OSBPL9: variants seen among roughly 807,000 people sequenced by gnomAD.
OSBPL9 encodes oxysterol binding protein like 9.
Under a neutral mutation model 106.6 loss-of-function variants are expected in OSBPL9, and 40 were observed. The ratio of observed to expected loss-of-function variants is 0.38; its 90% CI spans 0.29 to 0.49. The LOEUF (loss-of-function observed/expected upper bound fraction) is 0.49. Among genes scored for constraint, OSBPL9 ranks in the 20% least tolerant of loss-of-function variants. The pLI is 0.97. For synonymous variants in OSBPL9, 269 were observed against 295.4 expected (o/e 0.91, Z 0.92); for missense variants, 609 against 887.2 (o/e 0.69, Z 3.98).
upstream of OSBPL9, chr1:51,614,215 TC>T (rs1644008946): frequency 2.0e-5 from 3 of 152,360 alleles, no homozygotes; most frequent in Admixed American, 1.3e-4. Flanking sequence ...TTGGCTGCTA[TC>T]CCTTTCAGAT....
At chr1:51,576,361 G>C (rs115625404), upstream of OSBPL9, among the ~76,000 whole-genome samples, 314 of 152,288 alleles carry the variant, frequency 2.1e-3, no homozygotes, top group African/African-American at 6.8e-3. Flanking sequence ...GACCATCATC[G>C]ACCCAGTGAA....
intron 4 of OSBPL9, among the ~76,000 whole-genome samples, chr1:51,714,711 A>C (rs1660714473): frequency 6.6e-6 from 1 of 152,128 alleles, no homozygotes; most frequent in Admixed American, 6.5e-5. Context: ...CATTTTTGGA[A>C]CCGAGTCCAT....
the OSBPL9 span, among the ~76,000 whole-genome samples, chr1:51,541,842 G>A: frequency 6.6e-6 from 1 of 152,118 alleles, no homozygotes; most frequent in Non-Finnish European, 1.5e-5. Flanking sequence ...TCTCCCTCTG[G>A]GGAGAATAGT....
Position 51,781,235 on chromosome 1 carries a change from C to G in OSBPL9, c.1328C>G (p.Ala443Gly), listed in dbSNP as rs1290971943. ...AAATGGTACCTCTCAGCCTTTCATG[C>G]GGGAAGGAAAGGATCAGTTGCCAAA... Reference protein sequence around the residue: ...VVKWYLSAFHAGRKGSVAKKP... With the variant: ...VVKWYLSAFHGGRKGSVAKKP... The change falls in exon 16 of 24, where the codon GCG becomes GGG. Residue 443 changes from alanine to glycine, a missense_variant. Coordinates refer to ENST00000428468, the MANE Select transcript of OSBPL9 (RefSeq NM_024586.6). 6.2e-7 allele frequency: 1 copy of G among 1,613,924 alleles called. No individual in the cohort carries two copies. The highest frequency in any genetic ancestry group is 8.5e-7 in the Non-Finnish European group (1 of 1,179,940).
intron 2 of OSBPL9, among the ~76,000 whole-genome samples, chr1:51,608,159 A>G (rs1643961343): frequency 6.6e-6 from 1 of 152,184 alleles, no homozygotes; most frequent in Non-Finnish European, 1.5e-5. Flanking sequence ...TTTGCCTCTT[A>G]GTGTGCATGC....
intron 2 of OSBPL9, among the ~76,000 whole-genome samples, chr1:51,655,398 A>AC (rs1427821438): frequency 6.6e-6 from 1 of 151,820 alleles, no homozygotes. Flanking sequence ...CGTGGCCTAG[A>AC]CCCCTCCATC....
intron 3 of OSBPL9, among the ~76,000 whole-genome samples, chr1:51,708,594 C>G (rs543813208): frequency 1.3e-5 from 2 of 152,030 alleles, no homozygotes; most frequent in South Asian, 4.2e-4. Flanking sequence ...AATCTTAAAG[C>G]CTTTGTATTT....
chr1:51,734,831 C>A (rs1307234383), intron 4 of OSBPL9, among the ~76,000 whole-genome samples: 2 of 152,060 alleles, frequency 1.3e-5, no homozygotes, highest in African/African-American at 2.4e-5. Context: ...GTCGCCTTTC[C>A]CCCCCAAACC....
At chr1:51,767,840 AAAT>A (rs1187247358) in intron 12 of OSBPL9, among the ~76,000 whole-genome samples, 2 of 152,234 alleles carry the variant, frequency 1.3e-5, no homozygotes, top group East Asian at 1.9e-4. Flanking sequence ...GGTTAAAAGA[AAAT>A]AAGCATTTGG....
intron 2 of OSBPL9, among the ~76,000 whole-genome samples, chr1:51,610,243 ATTTGTTGTT>A (rs1173518821): frequency 1.0e-4 from 15 of 146,796 alleles, no homozygotes; most frequent in African/African-American, 3.6e-4. Context: ...AGGAACTGAT[ATTTGTTGTT>A]GTTGTTGTTG....
At chr1:51,552,213 A>G in the OSBPL9 span, among the ~76,000 whole-genome samples, 1 of 152,148 alleles carries the variant, frequency 6.6e-6, no homozygotes, top group Non-Finnish European at 1.5e-5. Context: ...CCTCAAACTG[A>G]AAGTAAGCCC....
chr1:51,633,503 G>C (rs1194186611), intron 1 of OSBPL9, among the ~76,000 whole-genome samples: 2 of 151,714 alleles, frequency 1.3e-5, no homozygotes, highest in African/African-American at 4.8e-5. Flanking sequence ...GAGGTAGAAG[G>C]ATCAATGAGC....
In OSBPL9 at chr1:51,617,123, A is replaced by G. The variant is rs1644088438; in HGVS notation, c.13A>G (p.Met5Val). The G allele has an allele frequency of 1.2e-6, 2 of 1,611,898 alleles. No individual in the cohort carries two copies. Among genetic ancestry groups the G allele is most frequent in the Non-Finnish European group, 8.5e-7 (1 of 1,179,224 alleles). Residue 5 changes from methionine (M) to valine (V), a missense_variant, in exon 1 of 24, where the codon ATG becomes GTG. Physicochemically the swap from Met to Val is conservative, Grantham distance 21. Transcript: ENST00000428468. MASI[M>V]EGPLSKWTNV... ...GGCGGCTCCCAAGATGGCGTCCATC[A>G]TGGAAGGGCCGCTGAGCAAATGGAC...
intron 1 of OSBPL9, among the ~76,000 whole-genome samples, chr1:51,585,643 G>C (rs1645243986): frequency 6.6e-6 from 1 of 152,066 alleles, no homozygotes; most frequent in South Asian, 2.1e-4. Flanking sequence ...CTGCGTGGTG[G>C]TGCGCACCTG....
At chr1:51,720,330 CT>C (rs1167647452) in intron 4 of OSBPL9, among the ~76,000 whole-genome samples, 280 of 144,044 alleles carry the variant, frequency 1.9e-3, no homozygotes, top group East Asian at 4.8e-3. Context: ...TTCTTTTTCT[CT>C]TTTTTTTTTT....
In OSBPL9 at chr1:51,646,549, GT is replaced by G. The variant is rs1646166294; in HGVS notation, c.112-5436del. ...CCTTAGGATTTTCTTTGTTGTTGTT[GT>G]TTTTTGTTTTTGAGACGGAGTTTTG... On this transcript the variant is annotated intron_variant, in intron 1 of 23. Transcript: ENST00000428468. Among the ~76,000 whole-genome samples the G allele has an allele frequency of 2.0e-5, 3 of 152,086 alleles. No homozygotes were observed. The East Asian group carries it at 5.8e-4, about 29-fold the overall frequency.
In OSBPL9 at chr1:51,788,940, A is replaced by G. The variant is rs1678377954; in HGVS notation, c.*1151A>G. ...TAGTTATTCAATATACTGGTTACGT[A>G]AGGCCTTTCAAGAAGTAGATTCTCA... On this transcript the variant is annotated 3_prime_UTR_variant, in exon 24 of 24. Coordinates refer to ENST00000428468, the MANE Select transcript of OSBPL9 (RefSeq NM_024586.6). Among the ~76,000 whole-genome samples the G allele has an allele frequency of 6.6e-6, 1 of 152,162 alleles. No individual in the cohort carries two copies. Among genetic ancestry groups the G allele is most frequent in the Admixed American group, 6.5e-5 (1 of 15,276 alleles).
the OSBPL9 span, among the ~76,000 whole-genome samples, chr1:51,529,955 A>C: frequency 7.5e-4 from 114 of 151,390 alleles, no homozygotes; most frequent in African/African-American, 2.8e-3. Context: ...GTGAATCCCT[A>C]GGTCAGGAGA....
At chr1:51,606,024 GAAGGAAAGA>G (rs910963776) in intron 2 of OSBPL9, among the ~76,000 whole-genome samples, 4 of 151,934 alleles carry the variant, frequency 2.6e-5, no homozygotes, top group Non-Finnish European at 4.4e-5. Flanking sequence ...AAAAGAAAAG[GAAGGAAAGA>G]AAGGAAAGAA....
Sources: allele counts gnomAD v4.1 joint callset (sites outside exome capture counted in the v4.1 genomes callset), GRCh38; gene constraint gnomAD v4.1.1; transcripts MANE v1.5; gene names NCBI Gene and HGNC (gene_info 2026-07-23, HGNC 2026-07-21).